PGD: variants seen among roughly 807,000 people sequenced by gnomAD.
PGD encodes phosphogluconate dehydrogenase.
In PGD, 21 loss-of-function variants were observed where a neutral mutation model predicts 60.4. The observed-to-expected ratio is 0.35, with a 90% CI of 0.25 to 0.50. PGD has a LOEUF of 0.50. PGD is among the 20% of genes least tolerant of loss of function. The pLI, the probability that PGD is intolerant of heterozygous loss-of-function variation, is 0.98. For synonymous variants in PGD, 230 were observed against 235.9 expected (o/e 0.97, Z 0.23); for missense variants, 477 against 613.1 (o/e 0.78, Z 2.34).
chr1:10,400,028 T>A, intron 2 of PGD: 4 of 451,126 alleles, frequency 8.9e-6, no homozygotes, highest in South Asian at 3.1e-5. Flanking sequence ...TGATGAGATC[T>A]GGGGAGAGTG....
chr1:10,416,550 C>G (rs1312371622), intron 8 of PGD, among the ~76,000 whole-genome samples: 1 of 152,172 alleles, frequency 6.6e-6, no homozygotes, highest in Non-Finnish European at 1.5e-5. Flanking sequence ...AAAAGACCAC[C>G]AAACAGGCTT....
chr1:10,401,989 T>G (rs1639322959), intron 3 of PGD, among the ~76,000 whole-genome samples: 1 of 152,158 alleles, frequency 6.6e-6, no homozygotes, highest in Non-Finnish European at 1.5e-5. Context: ...CATTGCAGCC[T>G]GGGTGACAGT....
intron 3 of PGD, among the ~76,000 whole-genome samples, chr1:10,402,299 G>C (rs1639328378): frequency 6.6e-6 from 1 of 151,866 alleles, no homozygotes; most frequent in Admixed American, 6.6e-5. Flanking sequence ...CAAATTCCTG[G>C]GCTCAAGCGA....
At chr1:10,399,561 C>G (rs962973647) in intron 1 of PGD, 68 bp from the exon 2 acceptor site, 2 of 1,394,376 alleles carry the variant, frequency 1.4e-6, no homozygotes, top group Non-Finnish European at 2.0e-6. Context: ...GTGGAAGGAC[C>G]GGACCCCTGG....
rs766878979 is a variant in PGD, at chr1:10,408,112, T to C, written c.491T>C (p.Val164Ala). The change falls in exon 6 of 13, where the codon GTG becomes GCG. Residue 164 changes from valine to alanine, a missense_variant. Around this residue, in one of 3 missense-constraint regions of PGD, gnomAD observed 431 missense variants for 556.6 expected, o/e 0.77. Transcript: ENST00000270776. Reference protein sequence around the residue: ...KTIFQGIAAKVGTGEPCCDWV... With the variant: ...KTIFQGIAAKAGTGEPCCDWV... The stretch of plus-strand genomic sequence containing the variant: ...ATCTTCCAAGGCATTGCTGCAAAAG[T>C]GGGAACTGGAGAACCCTGCTGTGAC... The C allele has an allele frequency of 6.2e-7, 1 of 1,606,664 alleles. No homozygotes were observed.
In PGD at chr1:10,416,955, A is replaced by T. The variant is rs575349436; in HGVS notation, c.845-32A>T. 273 of 1,608,622 alleles carry T rather than the reference A, an allele frequency of 1.7e-4. 2 individuals carry two copies. In the South Asian group the frequency reaches 2.7e-3, roughly 16 times the overall value. ...GCTTGGGCTCAGAGGCCTGACAGTAATCTGTTTCCTCTTCCCGATCTCCCC... is the reference window on the plus strand; with the variant it reads ...GCTTGGGCTCAGAGGCCTGACAGTATTCTGTTTCCTCTTCCCGATCTCCCC... On this transcript the variant is annotated intron_variant, in intron 8 of 12. Transcript: ENST00000270776.
chr1:10,418,795 C>A (rs1180165559), intron 10 of PGD, 31 bp from the exon 11 acceptor site: 20 of 1,104,732 alleles, frequency 1.8e-5, no homozygotes, highest in Non-Finnish European at 2.6e-5. Context: ...AAAAAAGACT[C>A]ATTGCTTTTT....
At chr1:10,417,164 CAGTGGG>C (rs1557765922) in intron 9 of PGD, 47 bp downstream of exon 9, 11 of 1,606,706 alleles carry the variant, frequency 6.8e-6, no homozygotes, top group Non-Finnish European at 9.4e-6. Context: ...CTGCGGAAGG[CAGTGGG>C]GGTGGGGGTT....
Position 10,420,444 on chromosome 1 carries a change from A to G in PGD, c.*695A>G, listed in dbSNP as rs1250788654. Among the ~76,000 whole-genome samples, 1 of 64,972 alleles carries G rather than the reference A, an allele frequency of 1.5e-5. No homozygotes were observed. The highest frequency in any genetic ancestry group is 2.3e-4 in the Admixed American group (1 of 4,370). 42.6% of individuals were successfully genotyped at this position (64,972 alleles called of 152,430 possible). A position where few individuals can be genotyped will look rare whatever the true frequency, so the allele number is the denominator to read the frequency against. Reference sequence around the variant, plus strand: ...TGGCAAGCTGTGCGTGACATTCTTTATGGCTTTTTGTATGTCAAATACTTC... The same window carrying G: ...TGGCAAGCTGTGCGTGACATTCTTTGTGGCTTTTTGTATGTCAAATACTTC... On this transcript the variant is annotated 3_prime_UTR_variant, in exon 13 of 13. Coordinates refer to ENST00000270776, the MANE Select transcript of PGD (RefSeq NM_002631.4).
chr1:10,418,825 G>T lies in PGD; in HGVS notation c.1110-1G>T. The T allele has an allele frequency of 6.5e-7, 1 of 1,529,972 alleles. No homozygotes were observed. Among genetic ancestry groups the T allele is most frequent in the Non-Finnish European group, 9.0e-7 (1 of 1,107,564 alleles). 94.8% of individuals were successfully genotyped at this position (1,529,972 alleles called of 1,614,324 possible). A position where few individuals can be genotyped will look rare whatever the true frequency, so the allele number is the denominator to read the frequency against. On this transcript the variant is annotated splice_acceptor_variant, in intron 10 of 12. Coordinates refer to ENST00000270776, the MANE Select transcript of PGD (RefSeq NM_002631.4). LOFTEE classifies it high-confidence loss of function. ...CTTTTTTCCCCCCTTGATTATTTCA[G>T]TGTATTCCTAGGAAAGATAAAGGAT...
intron 3 of PGD, among the ~76,000 whole-genome samples, chr1:10,401,198 C>CA (rs1005175683): frequency 4.0e-4 from 59 of 146,572 alleles, no homozygotes; most frequent in East Asian, 3.6e-3. Context: ...GACTCCGTCT[C>CA]AAAAAAAAAA....
At chr1:10,411,313 T>G in intron 6 of PGD, 105 bp from the exon 7 acceptor site, 1 of 1,255,172 alleles carries the variant, frequency 8.0e-7, no homozygotes, top group Non-Finnish European at 1.1e-6. Flanking sequence ...ATTTTTTGTG[T>G]GGAGAGGTAG....
At chr1:10,408,940 CAT>C (rs1639452404) in intron 6 of PGD, among the ~76,000 whole-genome samples, 1 of 152,106 alleles carries the variant, frequency 6.6e-6, no homozygotes, top group African/African-American at 2.4e-5. Context: ...AACTTTATCT[CAT>C]ATTGTAGTTC....
At chr1:10,407,041 A>T (rs1190896969) in intron 5 of PGD, among the ~76,000 whole-genome samples, 1 of 152,220 alleles carries the variant, frequency 6.6e-6, no homozygotes, top group African/African-American at 2.4e-5. Flanking sequence ...GCCGGGTGCG[A>T]TGGCTTATGC....
Position 10,419,991 on chromosome 1 carries a change from C to T in PGD, c.*242C>T, listed in dbSNP as rs904943583. 9 of 509,432 alleles carry T rather than the reference C, an allele frequency of 1.8e-5. No individual in the cohort carries two copies. Among genetic ancestry groups the T allele is most frequent in the Admixed American group, 1.0e-4 (3 of 29,298 alleles). The allele number at this position is 509,432 out of a possible 1,614,324, so 31.6% of individuals were successfully genotyped here. The stretch of plus-strand genomic sequence containing the variant: ...ATGTGCGTGAGAGTGGGAACCATCT[C>T]CTTGCGGCAGTGGCTTCCGCGTGCC... On this transcript the variant is annotated 3_prime_UTR_variant, in exon 13 of 13. Transcript: ENST00000270776.
Position 10,399,629 on chromosome 1 carries a change from A to G in PGD, c.9A>G (p.Gln3=). The part of the protein sequence containing the change: MA[Q]ADIALIGLAV... Reference sequence around the variant, plus strand: ...CTTTGTTCTGTTTCTGCCTCTCTAGAGCTGACATCGCGCTGATCGGATTGG... The same window carrying G: ...CTTTGTTCTGTTTCTGCCTCTCTAGGGCTGACATCGCGCTGATCGGATTGG... The change falls in exon 2 of 13, where the codon CAA becomes CAG. Residue 3 remains glutamine, a splice_region_variant and synonymous_variant. Coordinates refer to ENST00000270776, the MANE Select transcript of PGD (RefSeq NM_002631.4). 6.2e-7 allele frequency: 1 copy of G among 1,613,598 alleles called. No individual in the cohort carries two copies. The highest frequency in any genetic ancestry group is 8.5e-7 in the Non-Finnish European group (1 of 1,179,838).
At chr1:10,418,708 G>A (rs1029244696) in intron 10 of PGD, 118 bp from the exon 11 acceptor site, 1 of 616,332 alleles carries the variant, frequency 1.6e-6, no homozygotes, top group South Asian at 1.8e-5. Flanking sequence ...CTGGGAGGTG[G>A]AGGTTGCTGT....
intron 3 of PGD, among the ~76,000 whole-genome samples, 154 bp downstream of exon 3, chr1:10,400,726 C>T (rs1639302518): frequency 6.6e-6 from 1 of 151,784 alleles, no homozygotes; most frequent in South Asian, 2.1e-4. Context: ...TGTTGGTTAA[C>T]TTGATAAGCG....
At chr1:10,412,720 G>A (rs534321669) in intron 7 of PGD, 6 of 213,996 alleles carry the variant, frequency 2.8e-5, no homozygotes, top group Non-Finnish European at 4.7e-5. Flanking sequence ...ACTAGTTAGC[G>A]ATGACTGTGA....
Sources: gnomAD v4.1 joint callset for allele counts (sites outside exome capture counted in the v4.1 genomes callset) on GRCh38, gnomAD v4.1.1 for gene constraint, gnomAD v4.1.1 regional missense constraint, MANE v1.5 for transcripts, NCBI Gene and HGNC (gene_info 2026-07-23, HGNC 2026-07-21) for gene names.